The following CCDC91 variants were observed in gnomAD, a reference collection of about 807,000 sequenced individuals.
CCDC91 encodes the protein coiled-coil domain containing 91.
In CCDC91, 48 loss-of-function variants were observed where a neutral mutation model predicts 63.2. That is an observed-to-expected ratio of 0.76 (90% confidence interval 0.60 to 0.97). The LOEUF (loss-of-function observed/expected upper bound fraction) is 0.97, where lower values mean the gene tolerates loss of function less well. Ranked by LOEUF, CCDC91 falls within the 50% of genes least tolerant of loss-of-function variation. CCDC91 has a pLI of 0.00. For synonymous variants in CCDC91, 167 were observed against 165.8 expected (o/e 1.01, Z -0.06); for missense variants, 500 against 494.6 (o/e 1.01, Z -0.10).
chr12:28,370,227 G>A (rs1461283125), intron 7 of CCDC91, among the ~76,000 whole-genome samples: 1 of 152,166 alleles, frequency 6.6e-6, no homozygotes, highest in African/African-American at 2.4e-5. Flanking sequence ...CTTTGTGAAT[G>A]TATGACTGTG....
intron 1 of CCDC91, among the ~76,000 whole-genome samples, chr12:28,246,113 C>A (rs1464296806): frequency 6.6e-6 from 1 of 152,046 alleles, no homozygotes; most frequent in African/African-American, 2.4e-5. Flanking sequence ...AACATAATAT[C>A]ATAAGAAAAA....
rs149406927 is a variant in CCDC91, at chr12:28,321,405, TA to T, written c.576+13664del. On this transcript the variant is annotated intron_variant, in intron 6 of 12. Coordinates refer to ENST00000536442, the MANE Select transcript of CCDC91 (RefSeq NM_018318.5). The stretch of plus-strand genomic sequence containing the variant: ...AACTCCTAGAATAGTGCCTTGCACA[TA>T]AAAAAAATGTTGATTGGTTGACTGA... Among the ~76,000 whole-genome samples the T allele has an allele frequency of 5.5e-3, 828 of 151,762 alleles. 11 individuals carry two copies. Among genetic ancestry groups the T allele is most frequent in the African/African-American group, 0.017 (704 of 41,454 alleles).
At chr12:28,312,830 G>A (rs1178470801) in intron 6 of CCDC91, among the ~76,000 whole-genome samples, 1 of 151,982 alleles carries the variant, frequency 6.6e-6, no homozygotes, top group Non-Finnish European at 1.5e-5. Context: ...CCCTGTGCAA[G>A]TTCTCTTCTC....
At chr12:28,252,757 A>G (rs1170963585) in intron 1 of CCDC91, among the ~76,000 whole-genome samples, 2 of 149,446 alleles carry the variant, frequency 1.3e-5, no homozygotes, top group African/African-American at 2.5e-5. Context: ...TTTTTCTTCT[A>G]TTTGTTTTTT....
chr12:28,191,964 G>A (rs1478172699), intron 1 of CCDC91, among the ~76,000 whole-genome samples: 1 of 152,124 alleles, frequency 6.6e-6, no homozygotes, highest in Non-Finnish European at 1.5e-5. Flanking sequence ...CCTAGCAACA[G>A]TATAAGCCCA....
chr12:28,227,439 C>CT lies in CCDC91; in HGVS notation c.-14-29756dup, dbSNP rs1053453530. Among the ~76,000 whole-genome samples, 7 of 152,170 alleles carry CT rather than the reference C, an allele frequency of 4.6e-5. 1 individual carries two copies. In the East Asian group the frequency reaches 1.2e-3, roughly 25 times the overall value. On this transcript the variant is annotated intron_variant, in intron 1 of 12. Coordinates refer to ENST00000536442, the MANE Select transcript of CCDC91 (RefSeq NM_018318.5). Reference sequence around the variant, plus strand: ...TTTATCCTAGCGATTCTTTCTACCTCTTTTTTTGAACTCTTTCTCTTTCTA... The same window carrying CT: ...TTTATCCTAGCGATTCTTTCTACCTCTTTTTTTTGAACTCTTTCTCTTTCTA...
chr12:28,239,494 A>G (rs764166929), intron 1 of CCDC91, among the ~76,000 whole-genome samples: 1 of 152,212 alleles, frequency 6.6e-6, no homozygotes, highest in Non-Finnish European at 1.5e-5. Context: ...TGAGCTAATC[A>G]TTCTATATCT....
chr12:28,544,083 A>AG (rs1942819845), intron 12 of CCDC91, among the ~76,000 whole-genome samples: 1 of 151,924 alleles, frequency 6.6e-6, no homozygotes, highest in Non-Finnish European at 1.5e-5. Context: ...TTTCAAACAA[A>AG]GCATGGTCAT....
At chr12:28,519,974 G>A (rs1335577520) in intron 12 of CCDC91, among the ~76,000 whole-genome samples, 1 of 152,030 alleles carries the variant, frequency 6.6e-6, no homozygotes, top group African/African-American at 2.4e-5. Context: ...GTCTATCATT[G>A]ATGGGCATTT....
intron 6 of CCDC91, among the ~76,000 whole-genome samples, chr12:28,337,328 TTATC>T (rs1442951270): frequency 3.9e-5 from 6 of 152,280 alleles, no homozygotes; most frequent in African/African-American, 9.6e-5. Flanking sequence ...TCCTATAGCA[TTATC>T]TATCTAACAT....
intron 12 of CCDC91, among the ~76,000 whole-genome samples, chr12:28,507,035 C>T (rs1938812840): frequency 6.6e-6 from 1 of 151,866 alleles, no homozygotes; most frequent in Non-Finnish European, 1.5e-5. Flanking sequence ...GATGCAAATT[C>T]ATGATTTAAT....
intron 6 of CCDC91, among the ~76,000 whole-genome samples, chr12:28,320,660 A>T (rs540911831): frequency 1.3e-5 from 2 of 151,904 alleles, no homozygotes; most frequent in Admixed American, 6.6e-5. Context: ...TTTGCAGGTA[A>T]GTAAGTCATA....
intron 12 of CCDC91, among the ~76,000 whole-genome samples, chr12:28,488,963 T>C (rs369590146): frequency 6.6e-5 from 10 of 151,940 alleles, no homozygotes; most frequent in Non-Finnish European, 1.3e-4. Flanking sequence ...TAAAGTTTAA[T>C]TGAAACATAC....
At chr12:28,416,040 C>T (rs761504468) in intron 8 of CCDC91, among the ~76,000 whole-genome samples, 8 of 151,466 alleles carry the variant, frequency 5.3e-5, no homozygotes, top group Non-Finnish European at 1.2e-4. Flanking sequence ...TGGCTCTTAG[C>T]GTTTTTTGTT....
chr12:28,320,891 G>T (rs1940426567), intron 6 of CCDC91, among the ~76,000 whole-genome samples: 1 of 151,736 alleles, frequency 6.6e-6, no homozygotes, highest in African/African-American at 2.4e-5. Context: ...TGATTTAAGC[G>T]ATATTGCTAT....
intron 12 of CCDC91, among the ~76,000 whole-genome samples, chr12:28,508,523 G>A (rs1221588837): frequency 6.6e-6 from 1 of 151,772 alleles, no homozygotes; most frequent in Non-Finnish European, 1.5e-5. Context: ...GGATCACTTG[G>A]ATGCCAATCA....
At chr12:28,294,739 T>C (rs2136874976) in intron 3 of CCDC91, among the ~76,000 whole-genome samples, 1 of 152,100 alleles carries the variant, frequency 6.6e-6, no homozygotes, top group South Asian at 2.1e-4. Context: ...CAGGTGCCAC[T>C]ACACCCAGCT....
intron 1 of CCDC91, among the ~76,000 whole-genome samples, chr12:28,209,359 G>A (rs919822925): frequency 6.6e-6 from 1 of 152,178 alleles, no homozygotes; most frequent in Non-Finnish European, 1.5e-5. Context: ...TTATGGAAAA[G>A]CTGAAAAATA....
At chr12:28,305,092 G>T (rs1018571760) in intron 3 of CCDC91, among the ~76,000 whole-genome samples, 41 of 152,112 alleles carry the variant, frequency 2.7e-4, no homozygotes, top group African/African-American at 9.9e-4. Context: ...GATATTGTTG[G>T]ATTAGTTGTT....
Sources: gnomAD v4.1 joint callset for allele counts (sites outside exome capture counted in the v4.1 genomes callset) on GRCh38, gnomAD v4.1.1 for gene constraint, MANE v1.5 for transcripts, NCBI Gene and HGNC (gene_info 2026-07-23, HGNC 2026-07-21) for gene names.